Variants in SLC30A10 observed in about 807,000 individuals in gnomAD.
The protein encoded by SLC30A10 is solute carrier family 30 member 10.
SLC30A10 carries 8 observed loss-of-function variants against 21.7 expected under a neutral mutation model. That is an observed-to-expected ratio of 0.37 (90% CI 0.22 to 0.67). The LOEUF (loss-of-function observed/expected upper bound fraction) is 0.67, where lower values mean the gene tolerates loss of function less well. Ranked by LOEUF, SLC30A10 falls within the 30% of genes least tolerant of loss-of-function variation. The pLI is 0.58. For synonymous variants in SLC30A10, 272 were observed against 279.4 expected (o/e 0.97, Z 0.26); for missense variants, 521 against 642.5 (o/e 0.81, Z 2.04).
At chr1:219,950,867 A>G (rs1660257802) in intron 1 of SLC30A10, among the ~76,000 whole-genome samples, 1 of 152,050 alleles carries the variant, frequency 6.6e-6, no homozygotes, top group Non-Finnish European at 1.5e-5. Context: ...AGAATGGTTT[A>G]AACCTAGGAG....
At position 219,915,234 on chromosome 1, in the gene SLC30A10, G is replaced by A. The variant is rs1455154516; in HGVS notation, c.*215C>T. On this transcript the variant is annotated 3_prime_UTR_variant, in exon 4 of 4. Coordinates refer to ENST00000366926, the MANE Select transcript of SLC30A10 (RefSeq NM_018713.3). ...ATGTTCAAGCTGAAACAGTCAAAGA[G>A]CAGCATGAGACACCCAGGGGAATGG... The A allele has an allele frequency of 1.2e-5, 7 of 595,236 alleles. No individual in the cohort carries two copies. The African/African-American group carries it at 1.3e-4, about 11-fold the overall frequency. The allele number at this position is 595,236 out of a possible 1,614,324, so 36.9% of individuals were successfully genotyped here. A position where few individuals can be genotyped will look rare whatever the true frequency, so the allele number is the denominator to read the frequency against.
intron 2 of SLC30A10, 62 bp downstream of exon 2, chr1:219,926,966 A>G: frequency 7.4e-7 from 1 of 1,346,052 alleles, no homozygotes; most frequent in South Asian, 1.2e-5. Context: ...AAACAGAAAT[A>G]AACAACACAG....
At chr1:219,954,404 GCA>G (rs1410441238) in intron 1 of SLC30A10, among the ~76,000 whole-genome samples, 1 of 152,028 alleles carries the variant, frequency 6.6e-6, no homozygotes, top group East Asian at 1.9e-4. Flanking sequence ...ACTTAGCCGG[GCA>G]CAGTGGTTCA....
intron 1 of SLC30A10, among the ~76,000 whole-genome samples, chr1:219,956,226 A>T (rs1217713358): frequency 1.3e-5 from 2 of 151,556 alleles, no homozygotes; most frequent in East Asian, 1.9e-4. Context: ...GCTGAAGTGC[A>T]GTGGTGTGAT....
rs574118713 is a variant in SLC30A10, at chr1:219,912,504, G to A, written c.*2945C>T. On this transcript the variant is annotated 3_prime_UTR_variant, in exon 4 of 4. Coordinates refer to ENST00000366926, the MANE Select transcript of SLC30A10 (RefSeq NM_018713.3). The stretch of plus-strand genomic sequence containing the variant: ...TGAGCACACAGGACAACTGGTCCCT[G>A]AGCTGACACACAAAATATGCCGTAG... Among the ~76,000 whole-genome samples, 3 of 152,282 alleles carry A rather than the reference G, an allele frequency of 2.0e-5. No individual in the cohort carries two copies. The highest frequency in any genetic ancestry group is 7.2e-5 in the African/African-American group (3 of 41,558).
intron 2 of SLC30A10, among the ~76,000 whole-genome samples, chr1:219,921,756 C>T (rs1274226838): frequency 6.6e-6 from 1 of 152,148 alleles, no homozygotes; most frequent in Admixed American, 6.5e-5. Flanking sequence ...GTATCCCACT[C>T]AATTCCTGAC....
chr1:219,911,149 G>GTTTTTTTTTTGTTTTTTTTTTTTT lies in SLC30A10; in HGVS notation c.*4299_*4300insAAAAAAAAAAAAACAAAAAAAAAA. ...ATGTTTCTTCATTTTTTCTACATCA[G>GTTTTTTTTTTGTTTTTTTTTTTTT]TTTTTTTTTTTTTTTTTTTTTTTTT... On this transcript the variant is annotated 3_prime_UTR_variant, in exon 4 of 4. Transcript: ENST00000366926. Among the ~76,000 whole-genome samples the GTTTTTTTTTTGTTTTTTTTTTTTT allele has an allele frequency of 9.5e-4, 47 of 49,418 alleles. No individual in the cohort carries two copies. The highest frequency in any genetic ancestry group is 1.7e-3 in the Non-Finnish European group (38 of 22,430). The allele number at this position is 49,418 out of a possible 152,430, so 32.4% of individuals were successfully genotyped here.
intron 1 of SLC30A10, among the ~76,000 whole-genome samples, chr1:219,953,882 A>G (rs1028061788): frequency 1.3e-5 from 2 of 150,148 alleles, no homozygotes; most frequent in Admixed American, 1.3e-4. Flanking sequence ...AATTTTTTGT[A>G]TATTTAGTAG....
chr1:219,919,017 A>G (rs1290516984), intron 2 of SLC30A10: 1 of 152,244 alleles, frequency 6.6e-6, no homozygotes, highest in Non-Finnish European at 1.5e-5. Context: ...TTTAAATGGC[A>G]TTTGGTTTAA....
intron 1 of SLC30A10, among the ~76,000 whole-genome samples, chr1:219,954,303 A>G (rs994005923): frequency 5.9e-5 from 9 of 152,036 alleles, no homozygotes; most frequent in African/African-American, 1.9e-4. Flanking sequence ...GCCTCTAGCG[A>G]GTTGGTTGGA....
chr1:219,944,098 C>CAA (rs768499897), intron 1 of SLC30A10, among the ~76,000 whole-genome samples: 1 of 100,390 alleles, frequency 1.0e-5, no homozygotes, highest in Admixed American at 1.1e-4. Context: ...AGACTCATCT[C>CAA]AAAAAAAAAA....
At chr1:219,954,037 C>A (rs1474361530) in intron 1 of SLC30A10, among the ~76,000 whole-genome samples, 1 of 151,982 alleles carries the variant, frequency 6.6e-6, no homozygotes, top group Non-Finnish European at 1.5e-5. Flanking sequence ...GTATTTGCTA[C>A]TGGTAGAGAG....
chr1:219,951,842 C>T (rs1247913080), intron 1 of SLC30A10, among the ~76,000 whole-genome samples: 1 of 152,084 alleles, frequency 6.6e-6, no homozygotes, highest in Non-Finnish European at 1.5e-5. Context: ...TCCAAGCTAT[C>T]CTCCTGTCTT....
At chr1:219,931,097 A>T (rs1659963853), upstream of SLC30A10, among the ~76,000 whole-genome samples, 1 of 152,248 alleles carries the variant, frequency 6.6e-6, no homozygotes, top group Non-Finnish European at 1.5e-5. Flanking sequence ...AAGTGAGGGA[A>T]GCCTGGTGGA....
intron 1 of SLC30A10, among the ~76,000 whole-genome samples, chr1:219,948,869 A>G (rs1274029418): frequency 6.6e-6 from 1 of 152,232 alleles, no homozygotes; most frequent in Admixed American, 6.5e-5. Flanking sequence ...CTCATGTGAC[A>G]AAGGGCTAAT....
rs58429884 is a variant in SLC30A10 at position 219,940,541 on chromosome 1, C to A, written n.81-13436G>T. Among the ~76,000 whole-genome samples the A allele has an allele frequency of 7.6e-3, 1,153 of 152,258 alleles. 11 individuals carry two copies. Among genetic ancestry groups the A allele is most frequent in the African/African-American group, 0.027 (1,125 of 41,554 alleles). On this transcript the variant is annotated intron_variant and non_coding_transcript_variant, in intron 1 of 8. Coordinates refer to the SLC30A10 transcript ENST00000484239. ...TTATAGAGTAACTGGAAGGGAGAAC[C>A]ACCATGTGAAAGATTGGGAAGCCGT...
At chr1:219,946,998 C>T (rs1208382348) in intron 1 of SLC30A10, among the ~76,000 whole-genome samples, 1 of 152,048 alleles carries the variant, frequency 6.6e-6, no homozygotes, top group African/African-American at 2.4e-5. Flanking sequence ...TCTCCTCTTT[C>T]CTCTCCTTCA....
intron 1 of SLC30A10, among the ~76,000 whole-genome samples, chr1:219,954,615 G>A (rs1660319475): frequency 6.8e-6 from 1 of 147,852 alleles, no homozygotes; most frequent in Non-Finnish European, 1.5e-5. Flanking sequence ...AGGAGGCAGA[G>A]GTTGCAGTGA....
At chr1:219,950,883 G>C (rs1397580117) in intron 1 of SLC30A10, among the ~76,000 whole-genome samples, 1 of 152,188 alleles carries the variant, frequency 6.6e-6, no homozygotes. Context: ...AGGAGGTAGA[G>C]GTTGCAGTGA....
Sources: allele counts gnomAD v4.1 joint callset (sites outside exome capture counted in the v4.1 genomes callset), GRCh38; gene constraint gnomAD v4.1.1; transcripts MANE v1.5; gene names NCBI Gene and HGNC (gene_info 2026-07-23, HGNC 2026-07-21).